Variants in PIGL observed in about 807,000 individuals in gnomAD.
PIGL encodes phosphatidylinositol glycan anchor biosynthesis class L, also known as N-acetylglucosaminyl-phosphatidylinositol de-N-acetylase.
PIGL carries 22 observed loss-of-function variants against 31.1 expected under a neutral mutation model. The ratio of observed to expected loss-of-function variants is 0.71; its 90% CI spans 0.51 to 1.01. The LOEUF (loss-of-function observed/expected upper bound fraction) is 1.01. PIGL is among the 50% of genes least tolerant of loss of function. The pLI is 0.00. For synonymous variants in PIGL, 131 were observed against 117.4 expected (o/e 1.12, Z -0.75); for missense variants, 302 against 315.9 (o/e 0.96, Z 0.33).
At chr17:16,258,608 A>T (rs2092807203) in intron 2 of PIGL, among the ~76,000 whole-genome samples, 1 of 151,998 alleles carries the variant, frequency 6.6e-6, no homozygotes, top group South Asian at 2.1e-4. Flanking sequence ...GGCCCAAGCG[A>T]TTCTCCTGCC....
Position 16,220,852 on chromosome 17 carries a change from C to T in PIGL, c.235+3391C>T, listed in dbSNP as rs535575142. ...TTCACCATGGCGGCCAAACTGGTCT[C>T]GAACTCCTGACCTCAGGTGATCCAC... On this transcript the variant is annotated intron_variant, in intron 1 of 6. Coordinates refer to ENST00000225609, the MANE Select transcript of PIGL (RefSeq NM_004278.4). 2.6e-5 allele frequency among the ~76,000 whole-genome samples: 4 copies of T among 151,840 alleles called. No homozygotes were observed. The South Asian group carries it at 8.3e-4, about 32-fold the overall frequency.
chr17:16,326,087 A>G lies in PIGL; in HGVS notation c.*189A>G. On this transcript the variant is annotated 3_prime_UTR_variant, in exon 7 of 7. Transcript: ENST00000225609. ...AGCTTCTTCCCCTGGGAAAAAACCCAAAGAACCAAAAACAAACCACCCCAA... is the reference window on the plus strand; with the variant it reads ...AGCTTCTTCCCCTGGGAAAAAACCCGAAGAACCAAAAACAAACCACCCCAA... 1.8e-6 allele frequency: 1 copy of G among 570,236 alleles called. No homozygotes were observed. The highest frequency in any genetic ancestry group is 2.3e-5 in the South Asian group (1 of 43,074). 35.3% of individuals were successfully genotyped at this position (570,236 alleles called of 1,614,324 possible).
chr17:16,295,789 A>G (rs1182513381), intron 2 of PIGL, among the ~76,000 whole-genome samples: 1 of 151,306 alleles, frequency 6.6e-6, no homozygotes, highest in Non-Finnish European at 1.5e-5. Context: ...TAAAAATACA[A>G]AATTAGCTGG....
intron 2 of PIGL, among the ~76,000 whole-genome samples, chr17:16,280,531 T>C (rs889525672): frequency 3.3e-5 from 5 of 152,184 alleles, no homozygotes; most frequent in African/African-American, 1.2e-4. Flanking sequence ...CACAGCAAAA[T>C]TGAGCAGAAG....
At chr17:16,266,938 T>G (rs2092846960) in intron 2 of PIGL, among the ~76,000 whole-genome samples, 1 of 151,710 alleles carries the variant, frequency 6.6e-6, no homozygotes, top group Non-Finnish European at 1.5e-5. Context: ...GAAATTAAGT[T>G]TATGAATCTC....
At chr17:16,300,154 C>T in intron 3 of PIGL, 176 bp downstream of exon 3, 1 of 587,104 alleles carries the variant, frequency 1.7e-6, no homozygotes, top group South Asian at 2.1e-5. Context: ...AACAAACACA[C>T]CTTTTGATAT....
chr17:16,287,911 C>T (rs1055235826), intron 2 of PIGL, among the ~76,000 whole-genome samples: 4 of 152,162 alleles, frequency 2.6e-5, no homozygotes, highest in Non-Finnish European at 5.9e-5. Context: ...CTGACGTTGG[C>T]CTTTAGGCTT....
At chr17:16,310,158 C>T (rs2093043027) in intron 3 of PIGL, among the ~76,000 whole-genome samples, 1 of 151,232 alleles carries the variant, frequency 6.6e-6, no homozygotes, top group Non-Finnish European at 1.5e-5. Flanking sequence ...TGAATTATGG[C>T]ATTCTGTTGT....
chr17:16,285,617 G>A (rs536047307), intron 2 of PIGL, among the ~76,000 whole-genome samples: 2 of 152,076 alleles, frequency 1.3e-5, no homozygotes, highest in Non-Finnish European at 2.9e-5. Context: ...GCTTCAAGCC[G>A]TATGTGGAAA....
intron 6 of PIGL, among the ~76,000 whole-genome samples, chr17:16,320,390 AAGAG>A (rs376666886): frequency 1.7e-4 from 22 of 133,026 alleles, no homozygotes; most frequent in African/African-American, 5.6e-4. Flanking sequence ...GGAAGAAAGA[AAGAG>A]AGGGGAGGGA....
chr17:16,274,259 A>C (rs1460485343), intron 2 of PIGL, among the ~76,000 whole-genome samples: 1 of 152,134 alleles, frequency 6.6e-6, no homozygotes, highest in Non-Finnish European at 1.5e-5. Flanking sequence ...AGAAGGTTGG[A>C]GCGTGTAAAG....
intron 1 of PIGL, among the ~76,000 whole-genome samples, chr17:16,227,743 G>T (rs1600743832): frequency 6.6e-6 from 1 of 151,446 alleles, no homozygotes; most frequent in Admixed American, 6.6e-5. Context: ...ACCATGCCCG[G>T]CTAATTTTGT....
At position 16,326,133 on chromosome 17, in the gene PIGL, C is replaced by A; in HGVS notation, c.*235C>A. On this transcript the variant is annotated 3_prime_UTR_variant, in exon 7 of 7. Coordinates refer to ENST00000225609, the MANE Select transcript of PIGL (RefSeq NM_004278.4). The stretch of plus-strand genomic sequence containing the variant: ...CCCAAGGATAATAATAGCTACACTG[C>A]TAGCTTCTCAAGTTCTTGTGAAAAA... 1 of 499,406 alleles carries A rather than the reference C, an allele frequency of 2.0e-6. No homozygotes were observed. The highest frequency in any genetic ancestry group is 3.5e-6 in the Non-Finnish European group (1 of 282,468). The allele number at this position is 499,406 out of a possible 1,614,324, so 30.9% of individuals were successfully genotyped here. A position where few individuals can be genotyped will look rare whatever the true frequency, so the allele number is the denominator to read the frequency against.
intron 1 of PIGL, among the ~76,000 whole-genome samples, chr17:16,227,193 C>A (rs539391789): frequency 6.6e-6 from 1 of 152,136 alleles, no homozygotes; most frequent in African/African-American, 2.4e-5. Flanking sequence ...ACTGCAACCT[C>A]CACCTCTCGG....
At chr17:16,293,963 A>T (rs1418077933) in intron 2 of PIGL, among the ~76,000 whole-genome samples, 1 of 152,100 alleles carries the variant, frequency 6.6e-6, no homozygotes, top group Non-Finnish European at 1.5e-5. Flanking sequence ...CCAATGAGAG[A>T]TCTGGTCTCT....
At chr17:16,298,146 T>C (rs1490476439) in intron 2 of PIGL, among the ~76,000 whole-genome samples, 1 of 152,160 alleles carries the variant, frequency 6.6e-6, no homozygotes, top group African/African-American at 2.4e-5. Flanking sequence ...CATAAGGGGT[T>C]GGCAGATGAA....
chr17:16,276,626 A>G (rs1272525841), intron 2 of PIGL, among the ~76,000 whole-genome samples: 1 of 152,184 alleles, frequency 6.6e-6, no homozygotes, highest in Non-Finnish European at 1.5e-5. Context: ...AATCCCAGAT[A>G]CTCAGGAGGC....
chr17:16,244,027 C>A (rs2092734208), intron 2 of PIGL, among the ~76,000 whole-genome samples: 1 of 152,154 alleles, frequency 6.6e-6, no homozygotes, highest in Admixed American at 6.5e-5. Context: ...TGGGCTGAGT[C>A]AGTTCCTGGG....
At chr17:16,314,657 T>C (rs2093068266) in intron 4 of PIGL, among the ~76,000 whole-genome samples, 1 of 152,218 alleles carries the variant, frequency 6.6e-6, no homozygotes, top group Admixed American at 6.5e-5. Context: ...CTGTTCTCCC[T>C]GTAAAGACTA....
Sources: gnomAD v4.1 joint callset for allele counts (sites outside exome capture counted in the v4.1 genomes callset) on GRCh38, gnomAD v4.1.1 for gene constraint, MANE v1.5 for transcripts, NCBI Gene and HGNC (gene_info 2026-07-23, HGNC 2026-07-21) for gene names.